Variants in TMC3 observed in about 807,000 individuals in gnomAD.
TMC3 encodes transmembrane channel like 3, also known as transmembrane channel-like protein 3.
TMC3 carries 98 observed loss-of-function variants against 110.6 expected under a neutral mutation model. The ratio of observed to expected loss-of-function variants is 0.89; its 90% CI spans 0.75 to 1.05. TMC3 has a LOEUF of 1.05. Ranked by LOEUF, TMC3 falls within the 50% of genes least tolerant of loss-of-function variation. The pLI, the probability that TMC3 is intolerant of heterozygous loss-of-function variation, is 0.00. For missense variants in TMC3, 1,319 were observed against 1,373.2 expected (o/e 0.96, Z 0.62); for synonymous variants, 489 against 513.1 (o/e 0.95, Z 0.63).
chr15:81,361,434 C>A lies in TMC3; in HGVS notation c.394+786G>T, dbSNP rs7163232. 5.3e-5 allele frequency among the ~76,000 whole-genome samples: 8 copies of A among 152,096 alleles called. No individual in the cohort carries two copies. In the East Asian group the frequency reaches 7.7e-4, roughly 15 times the overall value. On this transcript the variant is annotated intron_variant, in intron 4 of 21. Coordinates refer to ENST00000359440, the MANE Select transcript of TMC3 (RefSeq NM_001080532.3). ...TTGCTTACTCCTTTGATTTGCCCAT[C>A]AATTCCCACACTATGCTATACTGCT...
intron 21 of TMC3, among the ~76,000 whole-genome samples, chr15:81,333,511 G>A (rs1201587024): frequency 1.3e-5 from 2 of 152,228 alleles, no homozygotes; most frequent in Non-Finnish European, 2.9e-5. Context: ...AGAGCGAGGG[G>A]TGTTATGCTA....
chr15:81,344,154 G>A, intron 13 of TMC3, 109 bp from the exon 14 acceptor site: 2 of 1,222,504 alleles, frequency 1.6e-6, no homozygotes, highest in Non-Finnish European at 2.2e-6. Flanking sequence ...CCAGCCAGTG[G>A]GCCCCTCCAA....
intron 3 of TMC3, among the ~76,000 whole-genome samples, chr15:81,363,292 T>C (rs1373141170): frequency 6.6e-6 from 1 of 152,158 alleles, no homozygotes; most frequent in Non-Finnish European, 1.5e-5. Flanking sequence ...AAGATGCAAT[T>C]GCCAAAAGTT....
chr15:81,367,917 G>A lies in TMC3; in HGVS notation c.312+336C>T, dbSNP rs374129102. Reference sequence around the variant, plus strand: ...GACCACAGTGCTCACATGTGTGTGTGTTTTTTGTTGTTGTTGTTTTGTTTG... The same window carrying A: ...GACCACAGTGCTCACATGTGTGTGTATTTTTTGTTGTTGTTGTTTTGTTTG... On this transcript the variant is annotated intron_variant, in intron 3 of 21. Coordinates refer to ENST00000359440, the MANE Select transcript of TMC3 (RefSeq NM_001080532.3). Among the ~76,000 whole-genome samples the A allele has an allele frequency of 7.2e-5, 11 of 152,098 alleles. No individual in the cohort carries two copies. The East Asian group carries it at 2.1e-3, about 29-fold the overall frequency.
chr15:81,349,759 CTT>C (rs532576010), intron 10 of TMC3, among the ~76,000 whole-genome samples, 192 bp from the exon 11 acceptor site: 19 of 129,444 alleles, frequency 1.5e-4, no homozygotes, highest in South Asian at 2.4e-4. Context: ...TTATCATGGT[CTT>C]TTTTTTTTTT....
chr15:81,374,182 C>T lies in TMC3; in HGVS notation c.-105G>A, dbSNP rs146614646. On this transcript the variant is annotated 5_prime_UTR_variant, in exon 1 of 22. Coordinates refer to ENST00000359440, the MANE Select transcript of TMC3 (RefSeq NM_001080532.3). ...CTGAATGGAAGCAGCGGAGTTTGCT[C>T]TGCCCGCTAGTTCTCAGGAAGAAGA... is the stretch of plus-strand genomic sequence containing the variant. 7,024 of 977,164 alleles carry T rather than the reference C, an allele frequency of 7.2e-3. 42 individuals are homozygous for T. Among genetic ancestry groups the T allele is most frequent in the Non-Finnish European group, 9.9e-3 (6,231 of 630,762 alleles). 60.5% of individuals were successfully genotyped at this position (977,164 alleles called of 1,614,324 possible). A position where few individuals can be genotyped will look rare whatever the true frequency, so the allele number is the denominator to read the frequency against.
intron 7 of TMC3, among the ~76,000 whole-genome samples, chr15:81,357,076 ACT>A (rs1307100418): frequency 1.3e-5 from 2 of 150,874 alleles, no homozygotes; most frequent in East Asian, 2.0e-4. Context: ...CTTAGGTGAA[ACT>A]CTCCCTACTT....
intron 9 of TMC3, among the ~76,000 whole-genome samples, chr15:81,354,401 C>G (rs1894013580): frequency 6.6e-6 from 1 of 152,212 alleles, no homozygotes. Context: ...AAATGCCTGA[C>G]AGAACTGTTT....
At chr15:81,351,040 T>C (rs13329222) in intron 10 of TMC3, among the ~76,000 whole-genome samples, 23,880 of 152,234 alleles carry the variant, frequency 0.16, 3,590 homozygotes, top group African/African-American at 0.4. Flanking sequence ...GGAATAAGTG[T>C]AGTTGTTAAT....
At chr15:81,351,657 T>G in intron 10 of TMC3, 37 bp downstream of exon 10, 1 of 1,550,914 alleles carries the variant, frequency 6.4e-7, no homozygotes, top group Non-Finnish European at 8.7e-7. Context: ...CAGCTATGTC[T>G]CTTTTCTAGG....
chr15:81,350,654 C>A (rs1273005278), intron 10 of TMC3, among the ~76,000 whole-genome samples: 1 of 152,076 alleles, frequency 6.6e-6, no homozygotes, highest in Admixed American at 6.5e-5. Flanking sequence ...TAAATATGCA[C>A]ACGGTAAATT....
At chr15:81,358,115 T>G (rs1361757822) in intron 7 of TMC3, 34 bp downstream of exon 7, 10 of 1,545,382 alleles carry the variant, frequency 6.5e-6, no homozygotes, top group Non-Finnish European at 7.8e-6. Context: ...ATCATAACGC[T>G]TGATATGTAT....
chr15:81,331,829 C>G lies in TMC3; in HGVS notation c.*590G>C, dbSNP rs1056501090. ...AGCGCGTGCACAACTCCAGTAAACACACTGCGCATGCTCCCCTCCCCAGCG... is the reference window on the plus strand; with the variant it reads ...AGCGCGTGCACAACTCCAGTAAACAGACTGCGCATGCTCCCCTCCCCAGCG... On this transcript the variant is annotated 3_prime_UTR_variant, in exon 22 of 22. Coordinates refer to ENST00000359440, the MANE Select transcript of TMC3 (RefSeq NM_001080532.3). 6.6e-6 allele frequency: 1 copy of G among 152,452 alleles called. No homozygotes were observed. Among genetic ancestry groups the G allele is most frequent in the Non-Finnish European group, 1.5e-5 (1 of 68,254 alleles). The allele number at this position is 152,452 out of a possible 1,614,324, so 9.4% of individuals were successfully genotyped here.
Position 81,338,706 on chromosome 15 carries a change from A to G in TMC3, c.2030T>C (p.Val677Ala). ...GACCACGGGGCTACTGATGTGTCCA[A>G]CCACGGAGCCAAACCACACAGGAAA... ...KDFPVWFGSV[V>A]GHISSPVVIL... Residue 677 changes from valine (V) to alanine (A), a missense_variant, in exon 18 of 22, where the codon GTT becomes GCT. By Grantham distance (64) the Val-to-Ala change is moderately conservative. Coordinates refer to ENST00000359440, the MANE Select transcript of TMC3 (RefSeq NM_001080532.3). 1.9e-6 allele frequency: 3 copies of G among 1,614,030 alleles called. No homozygotes were observed. Among genetic ancestry groups the G allele is most frequent in the Non-Finnish European group, 1.7e-6 (2 of 1,179,876 alleles).
intron 1 of TMC3, 125 bp downstream of exon 1, chr15:81,373,864 T>A (rs1452082395): frequency 1.2e-6 from 1 of 858,156 alleles, no homozygotes; most frequent in East Asian, 2.8e-5. Context: ...GAGAAGTGAG[T>A]TTCTGAGTTC....
chr15:81,368,899 C>T (rs1476012733), intron 2 of TMC3, among the ~76,000 whole-genome samples: 1 of 129,480 alleles, frequency 7.7e-6, no homozygotes, highest in African/African-American at 3.5e-5. Flanking sequence ...AATGTTCAGT[C>T]CTGAAAATGG....
At chr15:81,352,696 T>G (rs1355007156) in intron 9 of TMC3, among the ~76,000 whole-genome samples, 1 of 152,110 alleles carries the variant, frequency 6.6e-6, no homozygotes, top group African/African-American at 2.4e-5. Flanking sequence ...CCTCCGTGCG[T>G]GTTATGGCCC....
In TMC3 at chr15:81,333,024, G is replaced by A. The variant is rs1893505657; in HGVS notation, c.2698C>T (p.His900Tyr). ...TGTCTTTCTGGCCAGACATTTAGAT[G>A]TTTTTTCTTGTAAGAGTCACATTCA... ...INECDSYKKK[H>Y]LNVWPERHFK... The change falls in exon 22 of 22, where the codon CAT (histidine) becomes TAT (tyrosine). Residue 900 changes from histidine (H) to tyrosine (Y), a missense_variant. Coordinates refer to ENST00000359440, the MANE Select transcript of TMC3 (RefSeq NM_001080532.3). 1.9e-6 allele frequency: 3 copies of A among 1,613,812 alleles called. No individual in the cohort carries two copies. The South Asian group carries it at 3.3e-5, about 18-fold the overall frequency.
intron 3 of TMC3, 34 bp from the exon 4 acceptor site, chr15:81,362,335 G>A (rs746510083): frequency 9.6e-6 from 15 of 1,566,710 alleles, no homozygotes; most frequent in Non-Finnish European, 1.2e-5. Context: ...GAGAGGTCAC[G>A]TACATGAAGA....
Sources: allele counts gnomAD v4.1 joint callset (sites outside exome capture counted in the v4.1 genomes callset), GRCh38; gene constraint gnomAD v4.1.1; transcripts MANE v1.5; gene names NCBI Gene and HGNC (gene_info 2026-07-23, HGNC 2026-07-21).